ANKRD27: variants seen among roughly 807,000 people sequenced by gnomAD.
ANKRD27 encodes ankyrin repeat domain 27, also known as ankyrin repeat domain-containing protein 27.
In ANKRD27, 112 loss-of-function variants were observed where a neutral mutation model predicts 129.7. That is an observed-to-expected ratio of 0.86 (90% confidence interval 0.74 to 1.01). The LOEUF is 1.01. Ranked by LOEUF, ANKRD27 falls within the 50% of genes least tolerant of loss-of-function variation. ANKRD27 has a pLI of 0.00. For synonymous variants in ANKRD27, 516 were observed against 511.2 expected, an observed-to-expected ratio of 1.01 and a Z score of -0.13; for missense variants, 1,258 against 1,300.5, an observed-to-expected ratio of 0.97 and a Z score of 0.50.
intron 2 of ANKRD27, among the ~76,000 whole-genome samples, chr19:32,656,067 G>GA (rs145882665): frequency 0.056 from 2,782 of 49,706 alleles, 38 homozygotes; most frequent in South Asian, 0.079. Context: ...AGAAAAGAAA[G>GA]AAAGAAAGAA....
intron 22 of ANKRD27, among the ~76,000 whole-genome samples, chr19:32,609,754 A>C (rs1302564393): frequency 6.6e-6 from 1 of 152,120 alleles, no homozygotes; most frequent in Non-Finnish European, 1.5e-5. Context: ...ATGGTTTCAC[A>C]GGTTTATATA....
intron 18 of ANKRD27, among the ~76,000 whole-genome samples, chr19:32,622,127 C>T (rs766808879): frequency 1.3e-5 from 2 of 152,186 alleles, no homozygotes; most frequent in Non-Finnish European, 2.9e-5. Context: ...CCTGCCCCTG[C>T]GGAGCCTCGT....
intron 2 of ANKRD27, among the ~76,000 whole-genome samples, chr19:32,654,002 G>A (rs769688967): frequency 7.2e-5 from 11 of 152,278 alleles, no homozygotes; most frequent in South Asian, 2.1e-4. Flanking sequence ...CCGGGTTCAC[G>A]CGATTCTCCT....
rs79358435 is a variant in ANKRD27 at position 32,597,671 on chromosome 19, T to A, written c.*474A>T. ...AGCTGCTGCTTTCTTCCTTCAGATATGACATTTCAGCCTGGCCTCTACAGT... is the reference window on the plus strand; with the variant it reads ...AGCTGCTGCTTTCTTCCTTCAGATAAGACATTTCAGCCTGGCCTCTACAGT... On this transcript the variant is annotated 3_prime_UTR_variant, in exon 29 of 29. Coordinates refer to ENST00000306065, the MANE Select transcript of ANKRD27 (RefSeq NM_032139.3). 1.9e-5 allele frequency: 3 copies of A among 161,720 alleles called. No homozygotes were observed. The highest frequency in any genetic ancestry group is 7.2e-5 in the African/African-American group (3 of 41,642). 10.0% of individuals were successfully genotyped at this position (161,720 alleles called of 1,614,324 possible).
intron 20 of ANKRD27, among the ~76,000 whole-genome samples, chr19:32,617,921 A>AT (rs1379993504): frequency 5.9e-5 from 9 of 151,530 alleles, no homozygotes; most frequent in African/African-American, 9.7e-5. Context: ...TGCCCGGCTA[A>AT]TTTTTTTTGT....
At chr19:32,635,019 A>G (rs1967064104) in intron 12 of ANKRD27, among the ~76,000 whole-genome samples, 1 of 152,204 alleles carries the variant, frequency 6.6e-6, no homozygotes, top group Non-Finnish European at 1.5e-5. Flanking sequence ...TTCTGAAATA[A>G]AAGGAGGTGT....
intron 2 of ANKRD27, among the ~76,000 whole-genome samples, chr19:32,653,525 T>C (rs1389842729): frequency 6.6e-6 from 1 of 152,100 alleles, no homozygotes. Context: ...GCCGGATAGT[T>C]GTAAGCACAG....
chr19:32,626,574 C>T, intron 16 of ANKRD27, 138 bp downstream of exon 16: 1 of 608,368 alleles, frequency 1.6e-6, no homozygotes, highest in Non-Finnish European at 2.8e-6. Flanking sequence ...ACTGCTGCAG[C>T]AGAGCTGGTG....
chr19:32,673,425 G>A, intron 1 of ANKRD27: 5 of 985,310 alleles, frequency 5.1e-6, no homozygotes, highest in Non-Finnish European at 4.8e-6. Flanking sequence ...TCTTTCCAGC[G>A]CCGAGCTCTG....
chr19:32,654,285 T>C lies in ANKRD27; in HGVS notation c.103-4493A>G, dbSNP rs1599768876. On this transcript the variant is annotated intron_variant, in intron 2 of 28. Coordinates refer to ENST00000306065, the MANE Select transcript of ANKRD27 (RefSeq NM_032139.3). ...GGGCAGACTCAAGGGCAGTCAAACT[T>C]GGTACAAGGTTATGACCAGCCTGGG... 5.3e-5 allele frequency among the ~76,000 whole-genome samples: 8 copies of C among 152,240 alleles called. 3 individuals carry two copies. Among genetic ancestry groups the C allele is most frequent in the Admixed American group, 5.2e-4 (8 of 15,290 alleles).
At chr19:32,654,496 G>A (rs187423663) in intron 2 of ANKRD27, among the ~76,000 whole-genome samples, 1 of 152,258 alleles carries the variant, frequency 6.6e-6, no homozygotes, top group African/African-American at 2.4e-5. Context: ...TTCAATCTAT[G>A]AACATAGGTA....
At position 32,599,984 on chromosome 19, in the gene ANKRD27, G is replaced by T. The variant is rs767254378; in HGVS notation, c.2834C>A (p.Ala945Asp). 7 of 1,612,554 alleles carry T rather than the reference G, an allele frequency of 4.3e-6. No individual in the cohort carries two copies. In the Admixed American group the frequency reaches 1.2e-4, roughly 27 times the overall value. Residue 945 changes from alanine (A) to aspartate (D), a missense_variant, in exon 27 of 29, where the codon GCT becomes GAT. Ala to Asp is a moderately radical substitution (Grantham distance 126, BLOSUM62 -2). Transcript: ENST00000306065. ...FTRQFYFVHS[A>D]GQFKGKTSRE... ...GTTTCATACTCACTTAAACTGACCA[G>T]CTGAGTGGACAAAGTAAAACTGTCT...
At chr19:32,640,175 G>C (rs1967169622) in intron 11 of ANKRD27, 132 bp downstream of exon 11, 1 of 594,060 alleles carries the variant, frequency 1.7e-6, no homozygotes, top group Non-Finnish European at 3.1e-6. Context: ...GTGTTAGCCA[G>C]GATGGTCTCG....
Position 32,626,703 on chromosome 19 carries a change from A to G in ANKRD27, c.1536+9T>C. ...AGCGACAGCCCGCCACAAAGGCACC[A>G]CTGCTCACCGTCACGCTCTGGTAGC... On this transcript the variant is annotated intron_variant, in intron 16 of 28. Transcript: ENST00000306065. 1 of 1,592,768 alleles carries G rather than the reference A, an allele frequency of 6.3e-7. No individual in the cohort carries two copies. The highest frequency in any genetic ancestry group is 1.1e-5 in the South Asian group (1 of 88,036).
intron 10 of ANKRD27, among the ~76,000 whole-genome samples, chr19:32,641,381 A>G (rs190040681): frequency 6.6e-6 from 1 of 152,178 alleles, no homozygotes; most frequent in Non-Finnish European, 1.5e-5. Flanking sequence ...TCCTAAGGTC[A>G]CTTCCATTTT....
chr19:32,598,940 A>ACTGT (rs1160071248), intron 28 of ANKRD27, among the ~76,000 whole-genome samples: 1 of 152,188 alleles, frequency 6.6e-6, no homozygotes, highest in Admixed American at 6.6e-5. Flanking sequence ...GAGAAGAATC[A>ACTGT]CTGTCTCCGA....
chr19:32,612,343 C>T (rs937912890), intron 22 of ANKRD27, among the ~76,000 whole-genome samples: 7 of 152,070 alleles, frequency 4.6e-5, no homozygotes, highest in Non-Finnish European at 8.8e-5. Context: ...TATCAAAATC[C>T]GAGCAAGGTA....
chr19:32,639,151 T>C, intron 12 of ANKRD27: 2 of 598,456 alleles, frequency 3.3e-6, no homozygotes, highest in Non-Finnish European at 5.8e-6. Context: ...TAAATCCCAA[T>C]GATAACCCAC....
At chr19:32,652,789 G>A (rs1447251672) in intron 2 of ANKRD27, among the ~76,000 whole-genome samples, 2 of 151,944 alleles carry the variant, frequency 1.3e-5, no homozygotes, top group Non-Finnish European at 2.9e-5. Context: ...TTAGCCAGGC[G>A]TGGTGGTGCA....
Sources: gnomAD v4.1 joint callset for allele counts (sites outside exome capture counted in the v4.1 genomes callset) on GRCh38, gnomAD v4.1.1 for gene constraint, MANE v1.5 for transcripts, NCBI Gene and HGNC (gene_info 2026-07-23, HGNC 2026-07-21) for gene names.